GLCE: variants seen among roughly 807,000 people sequenced by gnomAD.
GLCE encodes the protein D-glucuronyl C5-epimerase.
In GLCE, 19 loss-of-function variants were observed where a neutral mutation model predicts 47.9. The ratio of observed to expected loss-of-function variants is 0.40; its 90% CI spans 0.28 to 0.58. The LOEUF is 0.58. GLCE is among the 20% of genes least tolerant of loss of function. The pLI is 0.48. For missense variants in GLCE, 556 were observed against 743.3 expected, an observed-to-expected ratio of 0.75 and a Z score of 2.93; for synonymous variants, 245 against 263.4, an observed-to-expected ratio of 0.93 and a Z score of 0.68.
intron 4 of GLCE, among the ~76,000 whole-genome samples, chr15:69,262,609 T>G (rs1220068851): frequency 1.3e-5 from 2 of 152,190 alleles, no homozygotes; most frequent in Non-Finnish European, 2.9e-5. Flanking sequence ...GCAACAGATT[T>G]CATTGTGCAC....
At chr15:69,188,201 C>T (rs1327635457) in intron 1 of GLCE, among the ~76,000 whole-genome samples, 5 of 152,122 alleles carry the variant, frequency 3.3e-5, no homozygotes, top group African/African-American at 1.2e-4. Context: ...CACTGCACTC[C>T]AGCTTGGGCG....
At chr15:69,266,335 CT>C (rs200228300) in intron 4 of GLCE, among the ~76,000 whole-genome samples, 108 of 146,300 alleles carry the variant, frequency 7.4e-4, no homozygotes, top group African/African-American at 1.0e-3. Context: ...TTTTCCCTTT[CT>C]TTTTTTTTTT....
At chr15:69,238,292 T>C (rs1826729791) in intron 2 of GLCE, among the ~76,000 whole-genome samples, 1 of 152,220 alleles carries the variant, frequency 6.6e-6, no homozygotes, top group African/African-American at 2.4e-5. Context: ...GGAGCCATAA[T>C]ATGATACTAT....
At chr15:69,219,399 T>G (rs1165082982) in intron 2 of GLCE, among the ~76,000 whole-genome samples, 1 of 152,200 alleles carries the variant, frequency 6.6e-6, no homozygotes, top group African/African-American at 2.4e-5. Context: ...TTAATATTTT[T>G]TTTAATAACA....
At chr15:69,190,362 AGTT>A (rs2051895515) in intron 1 of GLCE, among the ~76,000 whole-genome samples, 1 of 152,044 alleles carries the variant, frequency 6.6e-6, no homozygotes, top group Admixed American at 6.6e-5. Flanking sequence ...TTTGTCTACT[AGTT>A]GTGTCATTAT....
chr15:69,260,508 C>T (rs2052998991), intron 3 of GLCE, among the ~76,000 whole-genome samples: 1 of 152,132 alleles, frequency 6.6e-6, no homozygotes, highest in East Asian at 1.9e-4. Context: ...AGTCCACCCA[C>T]CTTGGCCTCC....
rs368163849 is a variant in GLCE, at chr15:69,172,270, C to G, written c.-105+11513C>G. Among the ~76,000 whole-genome samples the G allele has an allele frequency of 7.2e-5, 11 of 152,294 alleles. No individual in the cohort carries two copies. The East Asian group carries it at 1.4e-3, about 19-fold the overall frequency. On this transcript the variant is annotated intron_variant, in intron 1 of 4. Coordinates refer to ENST00000261858, the MANE Select transcript of GLCE (RefSeq NM_015554.3). ...TCAGAGCTTGGTGTCATTCCTTGAACAAATTCTTAAACAGATTATCGAACA... is the reference window on the plus strand; with the variant it reads ...TCAGAGCTTGGTGTCATTCCTTGAAGAAATTCTTAAACAGATTATCGAACA...
chr15:69,181,772 T>G (rs1464197578), intron 1 of GLCE, among the ~76,000 whole-genome samples: 1 of 152,008 alleles, frequency 6.6e-6, no homozygotes. Flanking sequence ...AATAGAATAG[T>G]AACTTAAGAG....
intron 1 of GLCE, chr15:69,194,578 G>T (rs2051958923): frequency 6.6e-6 from 1 of 152,106 alleles, no homozygotes; most frequent in Non-Finnish European, 1.5e-5. Flanking sequence ...GGATTTTTCA[G>T]ATAGTGATGT....
At chr15:69,206,861 T>C (rs996566400) in intron 1 of GLCE, among the ~76,000 whole-genome samples, 2 of 152,060 alleles carry the variant, frequency 1.3e-5, no homozygotes, top group Non-Finnish European at 2.9e-5. Context: ...TCTCAGAGGA[T>C]AGAGCTAGGA....
chr15:69,213,833 G>T (rs965520054), intron 2 of GLCE, among the ~76,000 whole-genome samples: 2 of 151,966 alleles, frequency 1.3e-5, no homozygotes, highest in African/African-American at 4.8e-5. Flanking sequence ...CTGTAATACA[G>T]AGTAGTCCCT....
chr15:69,161,569 T>C (rs2051421750), intron 1 of GLCE, among the ~76,000 whole-genome samples: 1 of 152,168 alleles, frequency 6.6e-6, no homozygotes, highest in Non-Finnish European at 1.5e-5. Context: ...CTGGGTCCGC[T>C]GAGGGCGGGA....
In GLCE at chr15:69,256,307, C is replaced by T; in HGVS notation, c.501C>T (p.Pro167=). Residue 167 remains proline (P), a synonymous_variant, in exon 3 of 5, where the codon CCC becomes CCT. Coordinates refer to ENST00000261858, the MANE Select transcript of GLCE (RefSeq NM_015554.3). ...SYSKVYAQRA[P]YHPDGVFMSF... is the part of the protein sequence containing the mutation. ...CCAAAGTCTATGCACAGAGAGCCCCCTATCACCCCGATGGTGTGTTTATGT... is the reference window on the plus strand; with the variant it reads ...CCAAAGTCTATGCACAGAGAGCCCCTTATCACCCCGATGGTGTGTTTATGT... 1 of 1,614,016 alleles carries T rather than the reference C, an allele frequency of 6.2e-7. No homozygotes were observed. The highest frequency in any genetic ancestry group is 8.5e-7 in the Non-Finnish European group (1 of 1,179,960).
chr15:69,260,139 A>G (rs759874502), intron 3 of GLCE, among the ~76,000 whole-genome samples: 6 of 152,328 alleles, frequency 3.9e-5, no homozygotes, highest in South Asian at 2.1e-4. Flanking sequence ...GGTAAAATAT[A>G]CAAACTAAAT....
At chr15:69,198,372 G>T (rs1186541356) in intron 1 of GLCE, among the ~76,000 whole-genome samples, 3 of 152,046 alleles carry the variant, frequency 2.0e-5, no homozygotes, top group Non-Finnish European at 4.4e-5. Context: ...TTATTATATT[G>T]CAGTGAGTCA....
intron 2 of GLCE, among the ~76,000 whole-genome samples, chr15:69,245,538 G>A (rs1228664389): frequency 2.0e-5 from 3 of 152,010 alleles, no homozygotes; most frequent in South Asian, 2.1e-4. Flanking sequence ...ATAAGACAAC[G>A]ATGAAGTTTG....
chr15:69,215,988 A>G (rs1254120335), intron 2 of GLCE, among the ~76,000 whole-genome samples: 1 of 152,146 alleles, frequency 6.6e-6, no homozygotes, highest in African/African-American at 2.4e-5. Context: ...ATCTCTGACT[A>G]TTTAGCTATG....
chr15:69,248,245 A>G lies in GLCE; in HGVS notation c.-13-7549A>G, dbSNP rs535273991. Among the ~76,000 whole-genome samples, 4 of 152,248 alleles carry G rather than the reference A, an allele frequency of 2.6e-5. No individual in the cohort carries two copies. The South Asian group carries it at 6.2e-4, about 24-fold the overall frequency. Reference sequence around the variant, plus strand: ...GGCAGTTCTCCTTTGAGTTACATCTATCACTGGATATTTAACAATTTGACT... The same window carrying G: ...GGCAGTTCTCCTTTGAGTTACATCTGTCACTGGATATTTAACAATTTGACT... On this transcript the variant is annotated intron_variant, in intron 2 of 4. Coordinates refer to ENST00000261858, the MANE Select transcript of GLCE (RefSeq NM_015554.3).
intron 2 of GLCE, among the ~76,000 whole-genome samples, chr15:69,226,197 T>C (rs1163882038): frequency 6.6e-6 from 1 of 152,216 alleles, no homozygotes; most frequent in Non-Finnish European, 1.5e-5. Flanking sequence ...GAATTGAGTA[T>C]TTGACACAAA....
Sources: gnomAD v4.1 joint callset for allele counts (sites outside exome capture counted in the v4.1 genomes callset) on GRCh38, gnomAD v4.1.1 for gene constraint, MANE v1.5 for transcripts, NCBI Gene and HGNC (gene_info 2026-07-23, HGNC 2026-07-21) for gene names.